Variants in NTNG1 observed in about 807,000 individuals in gnomAD.
NTNG1 encodes netrin G1.
Under a neutral mutation model 54.0 loss-of-function variants are expected in NTNG1, and 16 were observed. The observed-to-expected ratio is 0.30, with a 90% confidence interval of 0.20 to 0.45. The LOEUF (loss-of-function observed/expected upper bound fraction) is 0.45, where lower values mean the gene tolerates loss of function less well. Ranked by LOEUF, NTNG1 falls within the 20% of genes least tolerant of loss-of-function variation. The probability of loss-of-function intolerance (pLI) is 1.00; values close to 1 mark genes in which losing one functional copy is unlikely to be tolerated. For synonymous variants in NTNG1, 255 were observed against 263.1 expected (o/e 0.97, Z 0.30); for missense variants, 530 against 678.7 (o/e 0.78, Z 2.43).
chr1:107,154,617 A>C lies in NTNG1; in HGVS notation c.246+5778A>C, dbSNP rs945397005. On this transcript the variant is annotated intron_variant, in intron 2 of 7. Transcript: ENST00000370068. The stretch of plus-strand genomic sequence containing the variant: ...TCTCAAAAAAAAAAAAAAAAAAAAA[A>C]AAAAAAACTGGGTGGAGCAGATGGT... Among the ~76,000 whole-genome samples the C allele has an allele frequency of 1.1e-4, 16 of 150,316 alleles. No homozygotes were observed. The South Asian group carries it at 2.7e-3, about 26-fold the overall frequency.
rs566094500 is a variant in NTNG1 at position 107,450,072 on chromosome 1, C to A, written c.1390+13273C>A. On this transcript the variant is annotated intron_variant, in intron 7 of 7. Transcript: ENST00000370068. ...TTCTTCAAGAATTCCTGTTTATGTT[C>A]AGTTATGTTTTTAAAAGTGAATAGA... is the stretch of plus-strand genomic sequence containing the variant. Among the ~76,000 whole-genome samples the A allele has an allele frequency of 6.6e-4, 101 of 152,052 alleles. No homozygotes were observed. The Middle Eastern group carries it at 0.014, about 20-fold the overall frequency.
At position 107,484,567 on chromosome 1, in the gene NTNG1, G is replaced by A. The variant is rs1678916978; in HGVS notation, c.*3727G>A. 1.3e-5 allele frequency among the ~76,000 whole-genome samples: 2 copies of A among 152,292 alleles called. No individual in the cohort carries two copies. Among genetic ancestry groups the A allele is most frequent in the East Asian group, 1.9e-4 (1 of 5,176 alleles). The stretch of plus-strand genomic sequence containing the variant: ...TCAGATCCCTAAGTTGGCACAAACT[G>A]CTAACCACATAACACAAAGAAAGGT... On this transcript the variant is annotated 3_prime_UTR_variant, in exon 8 of 8. Transcript: ENST00000370068.
At chr1:107,180,586 A>G (rs1257599261) in intron 2 of NTNG1, among the ~76,000 whole-genome samples, 9 of 152,222 alleles carry the variant, frequency 5.9e-5, no homozygotes, top group Admixed American at 1.3e-4. Context: ...ATAGTGCTAT[A>G]GAACATGGTC....
At chr1:107,472,248 T>C (rs2101587265) in intron 7 of NTNG1, among the ~76,000 whole-genome samples, 1 of 152,284 alleles carries the variant, frequency 6.6e-6, no homozygotes, top group Admixed American at 6.5e-5. Context: ...ACCTAAGTCA[T>C]CACCAAGGAC....
chr1:107,392,094 T>G, intron 3 of NTNG1, among the ~76,000 whole-genome samples: 1 of 151,990 alleles, frequency 6.6e-6, no homozygotes, highest in East Asian at 1.9e-4. Context: ...ACATATTGAG[T>G]TAAGTATGTC....
At chr1:107,160,459 G>A (rs1042397160) in intron 2 of NTNG1, among the ~76,000 whole-genome samples, 3 of 151,826 alleles carry the variant, frequency 2.0e-5, no homozygotes, top group African/African-American at 7.3e-5. Context: ...TCTCCTAATT[G>A]GTCTCCCTGC....
chr1:107,468,374 A>T (rs918387949), intron 7 of NTNG1, among the ~76,000 whole-genome samples: 1 of 152,186 alleles, frequency 6.6e-6, no homozygotes, highest in Non-Finnish European at 1.5e-5. Flanking sequence ...GCGTATTTGA[A>T]TTGATGACAC....
At chr1:107,317,756 A>G (rs1227508748) in intron 2 of NTNG1, among the ~76,000 whole-genome samples, 1 of 152,142 alleles carries the variant, frequency 6.6e-6, no homozygotes, top group Non-Finnish European at 1.5e-5. Flanking sequence ...AAAAAAGTCC[A>G]CAGGGTTTTA....
Position 107,303,195 on chromosome 1 carries a change from G to T in NTNG1, c.247-21087G>T, listed in dbSNP as rs1164681251. 2.0e-5 allele frequency among the ~76,000 whole-genome samples: 3 copies of T among 152,140 alleles called. No individual in the cohort carries two copies. The South Asian group carries it at 6.2e-4, about 32-fold the overall frequency. On this transcript the variant is annotated intron_variant, in intron 2 of 7. Coordinates refer to ENST00000370068, the MANE Select transcript of NTNG1 (RefSeq NM_001113226.3). ...TGACTTCCCAGTTCTGAAATCACTT[G>T]AGTAGACCAGTGCAATGCATTCAGG...
chr1:107,225,857 A>G (rs979475155), intron 2 of NTNG1, among the ~76,000 whole-genome samples: 4 of 152,144 alleles, frequency 2.6e-5, no homozygotes, highest in Non-Finnish European at 5.9e-5. Context: ...GGCAATTAAC[A>G]TATGAATTGC....
chr1:107,309,359 G>A (rs193195569), intron 2 of NTNG1, among the ~76,000 whole-genome samples: 3 of 152,054 alleles, frequency 2.0e-5, no homozygotes, highest in Non-Finnish European at 2.9e-5. Context: ...CTTCATCTTT[G>A]CTAGATATTC....
chr1:107,398,033 G>A (rs1345632586), intron 4 of NTNG1, among the ~76,000 whole-genome samples: 1 of 151,976 alleles, frequency 6.6e-6, no homozygotes, highest in African/African-American at 2.4e-5. Context: ...AGTTATCTAT[G>A]AGGGATACTT....
intron 1 of NTNG1, among the ~76,000 whole-genome samples, chr1:107,142,624 GGC>G (rs1653811809): frequency 6.6e-6 from 1 of 151,180 alleles, no homozygotes; most frequent in African/African-American, 2.4e-5. Flanking sequence ...CTAGAAATAA[GGC>G]CCTGTTTTAT....
chr1:107,476,653 G>T (rs1256831476), intron 7 of NTNG1, among the ~76,000 whole-genome samples: 2 of 151,880 alleles, frequency 1.3e-5, no homozygotes, highest in African/African-American at 2.4e-5. Context: ...CTTCACCATT[G>T]TTCTAACCTC....
At chr1:107,153,678 T>TAG (rs1654760769) in intron 2 of NTNG1, among the ~76,000 whole-genome samples, 1 of 152,218 alleles carries the variant, frequency 6.6e-6, no homozygotes, top group East Asian at 1.9e-4. Context: ...CTACAATAGC[T>TAG]CCTTACTATC....
At chr1:107,370,636 A>G (rs1054184302) in intron 3 of NTNG1, among the ~76,000 whole-genome samples, 1 of 151,882 alleles carries the variant, frequency 6.6e-6, no homozygotes, top group Non-Finnish European at 1.5e-5. Flanking sequence ...GAGTCACTTC[A>G]CTTAGAATAA....
chr1:107,373,693 T>A (rs1273548154), intron 3 of NTNG1, among the ~76,000 whole-genome samples: 1 of 151,466 alleles, frequency 6.6e-6, no homozygotes, highest in Non-Finnish European at 1.5e-5. Flanking sequence ...CTTTTTTATT[T>A]TTTATTTATT....
At chr1:107,319,867 A>ATG (rs1667555696) in intron 2 of NTNG1, among the ~76,000 whole-genome samples, 1 of 79,014 alleles carries the variant, frequency 1.3e-5, no homozygotes, top group Non-Finnish European at 3.6e-5. Flanking sequence ...CCTGAGGTTT[A>ATG]TATATATATA....
intron 2 of NTNG1, among the ~76,000 whole-genome samples, chr1:107,188,301 G>A (rs1657626186): frequency 6.6e-6 from 1 of 152,120 alleles, no homozygotes; most frequent in South Asian, 2.1e-4. Context: ...GTAAGACAAG[G>A]GGTGATGCTT....
Sources: gnomAD v4.1 joint callset for allele counts (sites outside exome capture counted in the v4.1 genomes callset) on GRCh38, gnomAD v4.1.1 for gene constraint, MANE v1.5 for transcripts, NCBI Gene and HGNC (gene_info 2026-07-23, HGNC 2026-07-21) for gene names.